Variants in SUPT5H observed in about 807,000 individuals in gnomAD.
The protein encoded by SUPT5H is SPT5 homolog, DSIF elongation factor subunit, also known as transcription elongation factor SPT5.
SUPT5H carries 24 observed loss-of-function variants against 142.5 expected under a neutral mutation model. The observed-to-expected ratio is 0.17, with a 90% CI of 0.12 to 0.24. The LOEUF (loss-of-function observed/expected upper bound fraction) is 0.24, where lower values mean the gene tolerates loss of function less well. Among genes scored for constraint, SUPT5H ranks in the 10% least tolerant of loss-of-function variants. SUPT5H has a pLI of 1.00. For synonymous variants in SUPT5H, 546 were observed against 553.0 expected, an observed-to-expected ratio of 0.99 and a Z score of 0.18; for missense variants, 893 against 1,471.8, an observed-to-expected ratio of 0.61 and a Z score of 6.43.
In SUPT5H at chr19:39,457,660, G is replaced by A; in HGVS notation, c.242-15G>A. 3 of 1,612,548 alleles carry A rather than the reference G, an allele frequency of 1.9e-6. No individual in the cohort carries two copies. In the South Asian group the frequency reaches 3.3e-5, roughly 18 times the overall value. On this transcript the variant is annotated splice_polypyrimidine_tract_variant and intron_variant, in intron 3 of 29. Coordinates refer to ENST00000432763, the MANE Select transcript of SUPT5H (RefSeq NM_001111020.3). ...GGTCACCTTTGCCACTTACCACTTG[G>A]CCTTTCCGTTTTAGATGTTGACGAT...
rs545316019 is a variant in SUPT5H, at chr19:39,466,880, C to T, written c.1037+135C>T. 1 of 783,306 alleles carries T rather than the reference C, an allele frequency of 1.3e-6. No homozygotes were observed. The highest frequency in any genetic ancestry group is 2.5e-5 in the East Asian group (1 of 39,338). The allele number at this position is 783,306 out of a possible 1,614,324, so 48.5% of individuals were successfully genotyped here. A position where few individuals can be genotyped will look rare whatever the true frequency, so the allele number is the denominator to read the frequency against. On this transcript the variant is annotated intron_variant, in intron 13 of 29. Coordinates refer to ENST00000432763, the MANE Select transcript of SUPT5H (RefSeq NM_001111020.3). The surrounding 1 kb of genome is among the most constrained non-coding windows in gnomAD (Gnocchi z 4.3). ...ATTGGTTAGCTTGGCAGTATAGCCT[C>T]AGGCAAGTCACTTCACATCCCTGTG...
At chr19:39,450,674 C>G (rs2079010168) in intron 2 of SUPT5H, among the ~76,000 whole-genome samples, 1 of 152,140 alleles carries the variant, frequency 6.6e-6, no homozygotes, top group Admixed American at 6.6e-5. Flanking sequence ...TAAGACTGTA[C>G]CATATATTCT....
In SUPT5H at chr19:39,476,106, A is replaced by G. The variant is rs1600730202; in HGVS notation, c.3050A>G (p.Lys1017Arg). 1.2e-6 allele frequency: 2 copies of G among 1,614,078 alleles called. No homozygotes were observed. The highest frequency in any genetic ancestry group is 2.2e-5 in the East Asian group (1 of 44,876). Residue 1017 changes from lysine (K) to arginine (R), a missense_variant, in exon 29 of 30, where the codon AAG becomes AGG. By Grantham distance (26) the Lys-to-Arg change is conservative. Transcript: ENST00000432763. ...VTGGMCSVYL[K>R]DSEKVVSISS... ...GGGGGCATGTGCTCTGTGTACCTGA[A>G]GGACAGTGAGAAGGTTGTCAGCATT...
intron 19 of SUPT5H, 28 bp from the exon 20 acceptor site, chr19:39,471,577 A>C (rs2079320907): frequency 6.2e-7 from 1 of 1,614,124 alleles, no homozygotes. Flanking sequence ...GACATGGTCA[A>C]GAGAGTGACC....
Position 39,474,950 on chromosome 19 carries a change from A to G in SUPT5H, c.3024+232A>G. ...AGAAATCTGAGCCAAGACCTGACAA[A>G]TGAATAGGAGTAAGCTAAGGAAAGT... On this transcript the variant is annotated intron_variant, in intron 28 of 29. Transcript: ENST00000432763. This position sits in a 1 kb window ranked among gnomAD's most constrained non-coding sequence, Gnocchi z 6.5. The G allele has an allele frequency of 1.7e-6, 1 of 589,990 alleles. No individual in the cohort carries two copies. The highest frequency in any genetic ancestry group is 3.0e-6 in the Non-Finnish European group (1 of 331,338). The allele number at this position is 589,990 out of a possible 1,614,324, so 36.5% of individuals were successfully genotyped here. A position where few individuals can be genotyped will look rare whatever the true frequency, so the allele number is the denominator to read the frequency against.
chr19:39,470,748 G>C lies in SUPT5H; in HGVS notation c.1677+225G>C, dbSNP rs141109712. Among the ~76,000 whole-genome samples the C allele has an allele frequency of 4.2e-3, 641 of 152,292 alleles. 3 individuals are homozygous for C. Among genetic ancestry groups the C allele is most frequent in the South Asian group, 6.8e-3 (33 of 4,828 alleles). ...TGGAAACGAGAGCAGCGTCTACTTT[G>C]TTCATAGTGAATGATTCCCTGAGGT... On this transcript the variant is annotated intron_variant, in intron 18 of 29. Coordinates refer to ENST00000432763, the MANE Select transcript of SUPT5H (RefSeq NM_001111020.3). This position sits in a 1 kb window ranked among gnomAD's most constrained non-coding sequence, Gnocchi z 5.8.
rs957615213 is a variant in SUPT5H, at chr19:39,466,395, C to T, written c.877-85C>T. On this transcript the variant is annotated intron_variant, in intron 11 of 29. Coordinates refer to ENST00000432763, the MANE Select transcript of SUPT5H (RefSeq NM_001111020.3). This position sits in a 1 kb window ranked among gnomAD's most constrained non-coding sequence, Gnocchi z 4.3. ...TTCCCCACCATCCTGCGTCCCTTCTCCTTCCTAGCATCTCCTGACCCTTCT... is the reference window on the plus strand; with the variant it reads ...TTCCCCACCATCCTGCGTCCCTTCTTCTTCCTAGCATCTCCTGACCCTTCT... 4.6e-6 allele frequency: 6 copies of T among 1,316,244 alleles called. No individual in the cohort carries two copies. Among genetic ancestry groups the T allele is most frequent in the Non-Finnish European group, 6.5e-6 (6 of 916,094 alleles). 81.5% of individuals were successfully genotyped at this position (1,316,244 alleles called of 1,614,324 possible).
At chr19:39,453,290 G>A in intron 2 of SUPT5H, 66 bp from the exon 3 acceptor site, 3 of 1,526,068 alleles carry the variant, frequency 2.0e-6, no homozygotes, top group Non-Finnish European at 1.8e-6. Context: ...TTAGGGTGAG[G>A]AACTTGGTTT....
intron 3 of SUPT5H, among the ~76,000 whole-genome samples, chr19:39,454,601 A>C (rs145924720): frequency 0.013 from 2,043 of 152,210 alleles, 38 homozygotes; most frequent in African/African-American, 0.037. Context: ...TGGCCTCCCA[A>C]AGTGCTGAGA....
Position 39,458,978 on chromosome 19 carries a change from G to A in SUPT5H, c.390-27G>A, listed in dbSNP as rs368758236. ...ACCTGCTGTCCTCAACCTTCAATTC[G>A]TGTTTGCTTCCCCACTCGTGCTCCA... On this transcript the variant is annotated intron_variant, in intron 6 of 29. Transcript: ENST00000432763. The surrounding 1 kb of genome is among the most constrained non-coding windows in gnomAD (Gnocchi z 4.2). 59 of 1,613,964 alleles carry A rather than the reference G, an allele frequency of 3.7e-5. 1 individual carries two copies. In the Middle Eastern group the frequency reaches 1.6e-3, roughly 45 times the overall value.
Position 39,472,354 on chromosome 19 carries a change from G to A in SUPT5H, c.1951-55G>A. 1.3e-6 allele frequency: 2 copies of A among 1,560,482 alleles called. No individual in the cohort carries two copies. The highest frequency in any genetic ancestry group is 2.7e-5 in the African/African-American group (2 of 73,902). ...TGCACGTGGGATGATGAGTTCCTGT[G>A]GTTTGTGGTTCCCCCATCCCCTGCC... On this transcript the variant is annotated intron_variant, in intron 20 of 29. Coordinates refer to ENST00000432763, the MANE Select transcript of SUPT5H (RefSeq NM_001111020.3). This position sits in a 1 kb window ranked among gnomAD's most constrained non-coding sequence, Gnocchi z 4.2.
chr19:39,472,692 G>C lies in SUPT5H; in HGVS notation c.2036-118G>C. ...TAGGAAAGCCATGGGGCAGGGGTGG[G>C]CAGAGGAGGCTCTTAACCCAAGTAG... On this transcript the variant is annotated intron_variant, in intron 21 of 29. Transcript: ENST00000432763. The surrounding 1 kb of genome is among the most constrained non-coding windows in gnomAD (Gnocchi z 4.2). 1 of 1,464,342 alleles carries C rather than the reference G, an allele frequency of 6.8e-7. No individual in the cohort carries two copies. Among genetic ancestry groups the C allele is most frequent in the Non-Finnish European group, 9.1e-7 (1 of 1,097,832 alleles). The allele number at this position is 1,464,342 out of a possible 1,614,324, so 90.7% of individuals were successfully genotyped here.
rs967456918 is a variant in SUPT5H, at chr19:39,457,694, G to A, written c.261G>A (p.Glu87=). ...TTTTAGATGTTGACGATGAGTATGA[G>A]GACGAGGACCAGTGGGAGGATGGAG... ...LDEADVDDEY[E]DEDQWEDGAE... Residue 87 remains glutamate, a synonymous_variant, in exon 4 of 30, where the codon GAG becomes GAA. Coordinates refer to ENST00000432763, the MANE Select transcript of SUPT5H (RefSeq NM_001111020.3). 3 of 1,613,980 alleles carry A rather than the reference G, an allele frequency of 1.9e-6. No homozygotes were observed. The highest frequency in any genetic ancestry group is 2.5e-6 in the Non-Finnish European group (3 of 1,180,006).
intron 3 of SUPT5H, among the ~76,000 whole-genome samples, chr19:39,454,686 G>T (rs777932579): frequency 6.6e-6 from 1 of 152,092 alleles, no homozygotes; most frequent in Non-Finnish European, 1.5e-5. Flanking sequence ...CCAAATATCA[G>T]TTCCTAAAAA....
rs1336122995 is a variant in SUPT5H at position 39,466,794 on chromosome 19, TAGAATGTGCC to T, written c.1037+50_1037+59del. The T allele has an allele frequency of 6.3e-7, 1 of 1,588,848 alleles. No homozygotes were observed. Among genetic ancestry groups the T allele is most frequent in the Non-Finnish European group, 8.6e-7 (1 of 1,157,158 alleles). ...GGGCTGGGTCCCCAGGGCCGGTGTG[TAGAATGTGCC>T]TTTTGCAGGTTCCTCCCCAGGGGTG... On this transcript the variant is annotated intron_variant, in intron 13 of 29. Transcript: ENST00000432763. This position sits in a 1 kb window ranked among gnomAD's most constrained non-coding sequence, Gnocchi z 4.3.
At position 39,470,195 on chromosome 19, in the gene SUPT5H, G is replaced by A. The variant is rs1381747069; in HGVS notation, c.1451G>A (p.Arg484Gln). 5.0e-6 allele frequency: 8 copies of A among 1,610,992 alleles called. No individual in the cohort carries two copies. The highest frequency in any genetic ancestry group is 2.2e-5 in the East Asian group (1 of 44,826). The stretch of plus-strand genomic sequence containing the variant: ...GACCACGTGAAGGTGATTGCTGGCC[G>A]ATTCGAGGGCGACACAGGCCTCATT... Reference protein sequence around the residue: ...MGDHVKVIAGRFEGDTGLIVR... With the variant: ...MGDHVKVIAGQFEGDTGLIVR... Residue 484 changes from arginine (R) to glutamine (Q), a missense_variant, in exon 17 of 30, where the codon CGA (arginine) becomes CAA (glutamine). By Grantham distance (43) the Arg-to-Gln change is conservative. Around this residue, in one of 6 missense-constraint regions of SUPT5H, gnomAD observed 428 missense variants for 763.5 expected, o/e 0.56. Coordinates refer to ENST00000432763, the MANE Select transcript of SUPT5H (RefSeq NM_001111020.3). The surrounding 1 kb of genome is among the most constrained non-coding windows in gnomAD (Gnocchi z 5.8).
At position 39,466,725 on chromosome 19, in the gene SUPT5H, G is replaced by T; in HGVS notation, c.1017G>T (p.Leu339=). 1 of 1,614,242 alleles carries T rather than the reference G, an allele frequency of 6.2e-7. No homozygotes were observed. The highest frequency in any genetic ancestry group is 8.5e-7 in the Non-Finnish European group (1 of 1,180,048). The change falls in exon 13 of 30, where the codon CTG becomes CTT. Residue 339 remains leucine (L), a synonymous_variant. Coordinates refer to ENST00000432763, the MANE Select transcript of SUPT5H (RefSeq NM_001111020.3). This position sits in a 1 kb window ranked among gnomAD's most constrained non-coding sequence, Gnocchi z 4.3. ...AGTTTAAGCGGCCTCCACAGAGGCT[G>T]TTTGATGCTGAGAAGATCAGGTGCG... is the stretch of plus-strand genomic sequence containing the variant. ...RKKFKRPPQR[L]FDAEKIRSLG...
intron 10 of SUPT5H, among the ~76,000 whole-genome samples, chr19:39,464,573 C>T (rs1178836899): frequency 6.6e-6 from 1 of 152,124 alleles, no homozygotes; most frequent in East Asian, 1.9e-4. Context: ...GTACATTAAG[C>T]CATAAGTTAA....
chr19:39,471,256 C>CT, intron 18 of SUPT5H, 101 bp from the exon 19 acceptor site: 1 of 1,412,706 alleles, frequency 7.1e-7, no homozygotes, highest in Admixed American at 1.9e-5. Context: ...GAGCTTGGGA[C>CT]TGTCTCCCAC....
Sources: allele counts gnomAD v4.1 joint callset (sites outside exome capture counted in the v4.1 genomes callset), GRCh38; gene constraint gnomAD v4.1.1; regional missense constraint gnomAD v4.1.1; non-coding constraint Gnocchi (gnomAD v3.1); transcripts MANE v1.5; gene names NCBI Gene and HGNC (gene_info 2026-07-23, HGNC 2026-07-21).